Variants in SNAI3 observed in about 807,000 individuals in gnomAD.
The protein encoded by SNAI3 is zinc finger protein SNAI3.
SNAI3 carries 21 observed loss-of-function variants against 16.4 expected under a neutral mutation model. The observed-to-expected ratio is 1.28, with a 90% CI of 0.91 to 1.85. SNAI3 has a LOEUF of 1.85. Among genes scored for constraint, SNAI3 ranks in the 40% most tolerant of loss-of-function variants. SNAI3 has a pLI of 0.00. For synonymous variants in SNAI3, 202 were observed against 166.6 expected, an observed-to-expected ratio of 1.21 and a Z score of -1.64; for missense variants, 457 against 372.8, an observed-to-expected ratio of 1.23 and a Z score of -1.86.
intron 2 of SNAI3, among the ~76,000 whole-genome samples, chr16:88,680,446 C>T (rs1213435471): frequency 2.6e-5 from 4 of 151,688 alleles, no homozygotes; most frequent in Non-Finnish European, 4.4e-5. Flanking sequence ...CTGCCACGTC[C>T]GGCTAATTTT....
At position 88,681,627 on chromosome 16, in the gene SNAI3, A is replaced by G. The variant is rs984656075; in HGVS notation, c.164T>C (p.Leu55Pro). 8 of 1,473,888 alleles carry G rather than the reference A, an allele frequency of 5.4e-6. No homozygotes were observed. The highest frequency in any genetic ancestry group is 6.3e-6 in the Non-Finnish European group (7 of 1,108,816). 91.3% of individuals were successfully genotyped at this position (1,473,888 alleles called of 1,614,324 possible). A position where few individuals can be genotyped will look rare whatever the true frequency, so the allele number is the denominator to read the frequency against. The part of the protein sequence containing the change: ...DKEAPSVPGD[L>P]PQPWDRSSAV... ...CGAGGAGCGGTCCCAGGGCTGGGGA[A>G]GGTCACCGGGCACAGAAGGGGCCTC... The change falls in exon 2 of 3, where the codon CTT (leucine) becomes CCT (proline). Residue 55 changes from leucine to proline, a missense_variant. Leu to Pro is a moderately conservative substitution (Grantham distance 98). Transcript: ENST00000332281. This position sits in a 1 kb window ranked among gnomAD's most constrained non-coding sequence, Gnocchi z 5.4.
rs1909165498 is a variant in SNAI3 at position 88,681,452 on chromosome 16, G to T, written c.339C>A (p.Asn113Lys). Residue 113 changes from asparagine to lysine, a missense_variant, in exon 2 of 3, where the codon AAC becomes AAA. By Grantham distance (94) the Asn-to-Lys change is moderately conservative. Coordinates refer to ENST00000332281, the MANE Select transcript of SNAI3 (RefSeq NM_178310.4). This position sits in a 1 kb window ranked among gnomAD's most constrained non-coding sequence, Gnocchi z 5.4. ...TGGGCAGCACCAGCAGTGGGGGCAG[G>T]TTGAGGTGGTTCAGGCTGTCTTTGA... is the stretch of plus-strand genomic sequence containing the variant. The part of the protein sequence containing the change: ...VPLKDSLNHL[N>K]LPPLLVLPTR... The T allele has an allele frequency of 3.1e-6, 5 of 1,600,260 alleles. No individual in the cohort carries two copies. The highest frequency in any genetic ancestry group is 4.3e-6 in the Non-Finnish European group (5 of 1,170,336).
At chr16:88,683,232 A>G (rs1909241310) in intron 1 of SNAI3, among the ~76,000 whole-genome samples, 1 of 151,280 alleles carries the variant, frequency 6.6e-6, no homozygotes, top group African/African-American at 2.4e-5. Context: ...AGCTGGGACT[A>G]CAGGTGTGCG....
At chr16:88,678,735 T>A in intron 2 of SNAI3, 106 bp from the exon 3 acceptor site, 1 of 1,462,356 alleles carries the variant, frequency 6.8e-7, no homozygotes, top group Non-Finnish European at 9.0e-7. Flanking sequence ...CCACAAATGC[T>A]CACAGCCAGA....
At position 88,681,656 on chromosome 16, in the gene SNAI3, G is replaced by T; in HGVS notation, c.135C>A (p.Asp45Glu). 6.8e-7 allele frequency: 1 copy of T among 1,467,392 alleles called. No homozygotes were observed. The highest frequency in any genetic ancestry group is 9.0e-7 in the Non-Finnish European group (1 of 1,105,882). The allele number at this position is 1,467,392 out of a possible 1,614,324, so 90.9% of individuals were successfully genotyped here. Residue 45 changes from aspartate (D) to glutamate (E), a missense_variant, in exon 2 of 3, where the codon GAC becomes GAA. Transcript: ENST00000332281. The surrounding 1 kb of genome is among the most constrained non-coding windows in gnomAD (Gnocchi z 5.4). ...CACCGGGCACAGAAGGGGCCTCCTT[G>T]TCTCGGGGGAGGAGGGGCACCACCA... ...GGLVVPLLPR[D>E]KEAPSVPGDL...
At position 88,686,482 on chromosome 16, in the gene SNAI3, C is replaced by A; in HGVS notation, c.-76G>T. On this transcript the variant is annotated 5_prime_UTR_variant, in exon 1 of 3. Transcript: ENST00000332281. ...CCTGGGTCCGGACTGCTGCGTCCGC[C>A]GGCGCTTGAAGGGGTCAGGCTCATT... is the stretch of plus-strand genomic sequence containing the variant. The A allele has an allele frequency of 6.4e-7, 1 of 1,566,670 alleles. No individual in the cohort carries two copies. Among genetic ancestry groups the A allele is most frequent in the Non-Finnish European group, 8.6e-7 (1 of 1,162,726 alleles).
At position 88,678,380 on chromosome 16, in the gene SNAI3, G is replaced by T; in HGVS notation, c.*68C>A. The T allele has an allele frequency of 1.5e-6, 1 of 657,016 alleles. No homozygotes were observed. The allele number at this position is 657,016 out of a possible 1,614,324, so 40.7% of individuals were successfully genotyped here. A position where few individuals can be genotyped will look rare whatever the true frequency, so the allele number is the denominator to read the frequency against. On this transcript the variant is annotated 3_prime_UTR_variant, in exon 3 of 3. Transcript: ENST00000332281. ...GCCCTCCCAGACTCCTGGCTCCTCT[G>T]GGGGCAGGAGGGACGCCAGCTCTCC...
chr16:88,683,945 G>A (rs1460843404), intron 1 of SNAI3, among the ~76,000 whole-genome samples: 1 of 152,194 alleles, frequency 6.6e-6, no homozygotes, highest in Non-Finnish European at 1.5e-5. Context: ...CATCAGGGAA[G>A]CCCAAATCGC....
chr16:88,681,728 G>C lies in SNAI3; in HGVS notation c.77-14C>G, dbSNP rs758761152. 28 of 1,426,924 alleles carry C rather than the reference G, an allele frequency of 2.0e-5. No homozygotes were observed. The highest frequency in any genetic ancestry group is 2.5e-5 in the Non-Finnish European group (27 of 1,085,788). The allele number at this position is 1,426,924 out of a possible 1,614,324, so 88.4% of individuals were successfully genotyped here. On this transcript the variant is annotated splice_polypyrimidine_tract_variant and intron_variant, in intron 1 of 2. Coordinates refer to ENST00000332281, the MANE Select transcript of SNAI3 (RefSeq NM_178310.4). The surrounding 1 kb of genome is among the most constrained non-coding windows in gnomAD (Gnocchi z 5.4). ...CACCATTGATTTCTAGAGGGGTGGA[G>C]GGGAGAGAATAGAAAGATGAAGACT...
In SNAI3 at chr16:88,681,302, C is replaced by T; in HGVS notation, c.489G>A (p.Thr163=). The T allele has an allele frequency of 1.2e-6, 2 of 1,613,216 alleles. No individual in the cohort carries two copies. Among genetic ancestry groups the T allele is most frequent in the Non-Finnish European group, 8.5e-7 (1 of 1,179,876 alleles). The change falls in exon 2 of 3, where the codon ACG becomes ACA. Residue 163 remains threonine (T), a synonymous_variant. Coordinates refer to ENST00000332281, the MANE Select transcript of SNAI3 (RefSeq NM_178310.4). This position sits in a 1 kb window ranked among gnomAD's most constrained non-coding sequence, Gnocchi z 5.4. The part of the protein sequence containing the change: ...ECFHCHKPYH[T]LAGLARHRQL... ...GCCGGTGCCTGGCCAGCCCGGCCAG[C>T]GTGTGGTAGGGTTTGTGGCAGTGGA...
chr16:88,678,459 G>A lies in SNAI3; in HGVS notation c.868C>T (p.Pro290Ser), dbSNP rs763195845. ...CGACCACGTGCCTCTCAGGGGCCCG[G>A]GCAGCAGCCAGACTCCTCATGCCGC... ...LARHEESGCCPGP is the reference protein window; with the variant it reads ...LARHEESGCCSGP Residue 290 changes from proline to serine, a missense_variant, in exon 3 of 3, where the codon CCG becomes TCG. Physicochemically the swap from Pro to Ser is moderately conservative, Grantham distance 74. Transcript: ENST00000332281. 5 of 772,070 alleles carry A rather than the reference G, an allele frequency of 6.5e-6. No individual in the cohort carries two copies. In the South Asian group the frequency reaches 6.7e-5, roughly 10 times the overall value. The allele number at this position is 772,070 out of a possible 1,614,324, so 47.8% of individuals were successfully genotyped here.
At position 88,678,891 on chromosome 16, in the gene SNAI3, G is replaced by T. The variant is rs552817809; in HGVS notation, c.698-262C>A. 1.5e-5 allele frequency: 15 copies of T among 985,422 alleles called. No individual in the cohort carries two copies. In the African/African-American group the frequency reaches 2.3e-4, roughly 15 times the overall value. 61.0% of individuals were successfully genotyped at this position (985,422 alleles called of 1,614,324 possible). ...GGCCCTTGGCCACTGGGAGAGGACG[G>T]GAGAAGCACTGGGGGCCTCTGGCAG... On this transcript the variant is annotated intron_variant, in intron 2 of 2. Coordinates refer to ENST00000332281, the MANE Select transcript of SNAI3 (RefSeq NM_178310.4).
At chr16:88,686,213 C>G in intron 1 of SNAI3, 118 bp downstream of exon 1, 1 of 1,306,850 alleles carries the variant, frequency 7.7e-7, no homozygotes, top group Non-Finnish European at 1.0e-6. Context: ...GGCGCTGGCT[C>G]CTTCTCCTCC....
Position 88,686,490 on chromosome 16 carries a change from G to C in SNAI3, c.-84C>G, listed in dbSNP as rs985691069. 4 of 1,554,892 alleles carry C rather than the reference G, an allele frequency of 2.6e-6. No homozygotes were observed. The highest frequency in any genetic ancestry group is 2.4e-5 in the East Asian group (1 of 42,304). ...CGGACTGCTGCGTCCGCCGGCGCTTGAAGGGGTCAGGCTCATTAGCATAGC... is the reference window on the plus strand; with the variant it reads ...CGGACTGCTGCGTCCGCCGGCGCTTCAAGGGGTCAGGCTCATTAGCATAGC... On this transcript the variant is annotated 5_prime_UTR_variant, in exon 1 of 3. The change creates a premature stop within an existing upstream ORF in the 5' untranslated region. Coordinates refer to ENST00000332281, the MANE Select transcript of SNAI3 (RefSeq NM_178310.4).
At chr16:88,678,848 C>A in intron 2 of SNAI3, 1 of 985,450 alleles carries the variant, frequency 1.0e-6, no homozygotes. Context: ...CCTAGTGTTG[C>A]TGCAGTAGCC....
At position 88,679,129 on chromosome 16, in the gene SNAI3, C is replaced by T. The variant is rs1010740096; in HGVS notation, c.698-500G>A. ...AATCGTTTGTTCATTCCTGTAGCCC[C>T]ATAGAGTCCTGAGAGACCTCAGCCT... On this transcript the variant is annotated intron_variant, in intron 2 of 2. Coordinates refer to ENST00000332281, the MANE Select transcript of SNAI3 (RefSeq NM_178310.4). The T allele has an allele frequency of 1.1e-4, 110 of 983,118 alleles. No homozygotes were observed. The African/African-American group carries it at 1.8e-3, about 16-fold the overall frequency. 60.9% of individuals were successfully genotyped at this position (983,118 alleles called of 1,614,324 possible).
At chr16:88,684,343 G>A (rs1234114058) in intron 1 of SNAI3, among the ~76,000 whole-genome samples, 1 of 152,238 alleles carries the variant, frequency 6.6e-6, no homozygotes, top group African/African-American at 2.4e-5. Flanking sequence ...CCCAGTGGCT[G>A]AGCCCAGAGG....
intron 1 of SNAI3, among the ~76,000 whole-genome samples, chr16:88,682,396 C>T (rs73260519): frequency 0.035 from 5,288 of 152,308 alleles, 284 homozygotes; most frequent in African/African-American, 0.12. Context: ...CTCCCCAGGA[C>T]GGTGTTTCCT....
intron 1 of SNAI3, among the ~76,000 whole-genome samples, chr16:88,682,793 A>G (rs1479154475): frequency 3.6e-5 from 1 of 28,060 alleles, no homozygotes; most frequent in African/African-American, 1.1e-4. Flanking sequence ...TTTTTTTTTT[A>G]GAGACGGAGT....
Sources: gnomAD v4.1 joint callset for allele counts (sites outside exome capture counted in the v4.1 genomes callset) on GRCh38, gnomAD v4.1.1 for gene constraint, Gnocchi (gnomAD v3.1) non-coding constraint, MANE v1.5 for transcripts, NCBI Gene and HGNC (gene_info 2026-07-23, HGNC 2026-07-21) for gene names.